SLC4A3: variants seen among roughly 807,000 people sequenced by gnomAD.
SLC4A3 encodes the protein solute carrier family 4 member 3.
SLC4A3 carries 47 observed loss-of-function variants against 114.2 expected under a neutral mutation model. That is an observed-to-expected ratio of 0.41 (90% confidence interval 0.33 to 0.52). The LOEUF is 0.52. Among genes scored for constraint, SLC4A3 ranks in the 20% least tolerant of loss-of-function variants. The pLI is 0.21. For missense variants in SLC4A3, 1,312 were observed against 1,668.3 expected, an observed-to-expected ratio of 0.79 and a Z score of 3.72; for synonymous variants, 693 against 710.3, an observed-to-expected ratio of 0.98 and a Z score of 0.39.
In SLC4A3 at chr2:219,640,897, C is replaced by T. The variant is rs780658880; in HGVS notation, c.3556C>T (p.Leu1186=). Residue 1186 remains leucine, a synonymous_variant, in exon 22 of 23, where the codon CTG becomes TTG. Transcript: ENST00000358055. ...AASLAFPFLL[L]LTVPLRHCLL... is the part of the protein sequence containing the mutation. ...CTCACTCGCCTTTCCCTTCCTGCTGCTGCTCACGGTGCCTCTGAGGCATTG... is the reference window on the plus strand; with the variant it reads ...CTCACTCGCCTTTCCCTTCCTGCTGTTGCTCACGGTGCCTCTGAGGCATTG... 3.1e-6 allele frequency: 5 copies of T among 1,611,500 alleles called. No individual in the cohort carries two copies. The East Asian group carries it at 1.1e-4, about 36-fold the overall frequency.
chr2:219,635,739 C>T lies in SLC4A3; in HGVS notation c.2039C>T (p.Ser680Leu), dbSNP rs142497429. The change falls in exon 14 of 23, where the codon TCG (serine) becomes TTG (leucine). Residue 680 changes from serine to leucine, a missense_variant. Around this residue, in one of 4 missense-constraint regions of SLC4A3, gnomAD observed 771 missense variants for 977.7 expected, o/e 0.79. Coordinates refer to ENST00000358055, the MANE Select transcript of SLC4A3 (RefSeq NM_005070.4). Reference protein sequence around the residue: ...PEDDPLLRTGSVFGGLVRDVR... With the variant: ...PEDDPLLRTGLVFGGLVRDVR... ...GATGACCCCTTGCTGCGGACGGGCTCGGTATTTGGGGGGCTTGTGCGGGAT... is the reference window on the plus strand; with the variant it reads ...GATGACCCCTTGCTGCGGACGGGCTTGGTATTTGGGGGGCTTGTGCGGGAT... 1.0e-4 allele frequency: 165 copies of T among 1,595,900 alleles called. No homozygotes were observed. Among genetic ancestry groups the T allele is most frequent in the Middle Eastern group, 1.7e-4 (1 of 5,970 alleles).
rs953241892 is a variant in SLC4A3, at chr2:219,638,018, C to T, written c.2767-146C>T. On this transcript the variant is annotated intron_variant, in intron 17 of 22. Coordinates refer to ENST00000358055, the MANE Select transcript of SLC4A3 (RefSeq NM_005070.4). The surrounding 1 kb of genome is among the most constrained non-coding windows in gnomAD (Gnocchi z 7.5). ...ATCAAGACAACAGCCTCCCAGGCTGCGCTGGCACCTGTGGGGTTGAGAGGC... is the reference window on the plus strand; with the variant it reads ...ATCAAGACAACAGCCTCCCAGGCTGTGCTGGCACCTGTGGGGTTGAGAGGC... The T allele has an allele frequency of 5.1e-5, 37 of 731,768 alleles. No homozygotes were observed. The highest frequency in any genetic ancestry group is 2.8e-4 in the African/African-American group (16 of 57,630). 45.3% of individuals were successfully genotyped at this position (731,768 alleles called of 1,614,324 possible). A position where few individuals can be genotyped will look rare whatever the true frequency, so the allele number is the denominator to read the frequency against.
rs1252114707 is a variant in SLC4A3 at position 219,639,436 on chromosome 2, C to T, written c.3024-46C>T. ...TGTGCGTGCCTGTCTTTGTCCCCTG[C>T]CCCTGCCAGGCCAGCCACACCCCGC... is the stretch of plus-strand genomic sequence containing the variant. On this transcript the variant is annotated intron_variant, in intron 19 of 22. Transcript: ENST00000358055. This position sits in a 1 kb window ranked among gnomAD's most constrained non-coding sequence, Gnocchi z 5.9. The T allele has an allele frequency of 6.3e-7, 1 of 1,593,880 alleles. No individual in the cohort carries two copies. Among genetic ancestry groups the T allele is most frequent in the East Asian group, 2.2e-5 (1 of 44,614 alleles).
In SLC4A3 at chr2:219,639,392, C is replaced by T. The variant is rs568106889; in HGVS notation, c.3024-90C>T. On this transcript the variant is annotated intron_variant, in intron 19 of 22. Coordinates refer to ENST00000358055, the MANE Select transcript of SLC4A3 (RefSeq NM_005070.4). This position sits in a 1 kb window ranked among gnomAD's most constrained non-coding sequence, Gnocchi z 5.9. ...GAGAACTGTTGTCTGCACGTCCTCC[C>T]CCCACCATCTCGTCTCTGTGTGCGT... 6.5e-4 allele frequency: 949 copies of T among 1,464,432 alleles called. 1 individual carries two copies. Among genetic ancestry groups the T allele is most frequent in the Non-Finnish European group, 7.4e-4 (793 of 1,071,996 alleles). The allele number at this position is 1,464,432 out of a possible 1,614,324, so 90.7% of individuals were successfully genotyped here.
At chr2:219,633,750 C>T (rs953732497) in intron 10 of SLC4A3, 130 bp from the exon 11 acceptor site, 4 of 1,391,206 alleles carry the variant, frequency 2.9e-6, no homozygotes, top group African/African-American at 2.9e-5. Flanking sequence ...CAGTGTGGGG[C>T]CACAGTGCAG....
chr2:219,638,616 G>C lies in SLC4A3; in HGVS notation c.2857-87G>C. 7.1e-7 allele frequency: 1 copy of C among 1,405,526 alleles called. No homozygotes were observed. 87.1% of individuals were successfully genotyped at this position (1,405,526 alleles called of 1,614,324 possible). ...CACACCCCAGCTCCCTGAAGTCCTG[G>C]ACTGGGGACGCAGCTTAGTGGGCTG... On this transcript the variant is annotated intron_variant, in intron 18 of 22. Coordinates refer to ENST00000358055, the MANE Select transcript of SLC4A3 (RefSeq NM_005070.4). The surrounding 1 kb of genome is among the most constrained non-coding windows in gnomAD (Gnocchi z 7.5).
chr2:219,628,596 C>CG lies in SLC4A3; in HGVS notation c.217+28dup. 6.2e-7 allele frequency: 1 copy of CG among 1,606,520 alleles called. No homozygotes were observed. The highest frequency in any genetic ancestry group is 1.1e-5 in the South Asian group (1 of 90,726). Reference sequence around the variant, plus strand: ...GTGGGTAGCCTGGGGACCCCTAGTGCGGCCGCCCTCGCCACCATCACCTTC... The same window carrying CG: ...GTGGGTAGCCTGGGGACCCCTAGTGCGGGCCGCCCTCGCCACCATCACCTTC... On this transcript the variant is annotated intron_variant, in intron 3 of 22. Coordinates refer to ENST00000358055, the MANE Select transcript of SLC4A3 (RefSeq NM_005070.4). The surrounding 1 kb of genome is among the most constrained non-coding windows in gnomAD (Gnocchi z 4.8).
At position 219,638,698 on chromosome 2, in the gene SLC4A3, T is replaced by C. The variant is rs1699214261; in HGVS notation, c.2857-5T>C. On this transcript the variant is annotated splice_region_variant and splice_polypyrimidine_tract_variant and intron_variant, in intron 18 of 22. Coordinates refer to ENST00000358055, the MANE Select transcript of SLC4A3 (RefSeq NM_005070.4). This position sits in a 1 kb window ranked among gnomAD's most constrained non-coding sequence, Gnocchi z 7.5. ...GTCCCTGAACCCTGTTTTCCTGCCA[T>C]GCAGAAGCTGACAGTGCCTACAGGG... The C allele has an allele frequency of 6.2e-7, 1 of 1,613,552 alleles. No individual in the cohort carries two copies. The highest frequency in any genetic ancestry group is 1.3e-5 in the African/African-American group (1 of 74,932).
Position 219,628,341 on chromosome 2 carries a change from G to T in SLC4A3, c.52-64G>T. 6.7e-7 allele frequency: 1 copy of T among 1,483,794 alleles called. No individual in the cohort carries two copies. Among genetic ancestry groups the T allele is most frequent in the East Asian group, 2.3e-5 (1 of 42,712 alleles). The allele number at this position is 1,483,794 out of a possible 1,614,324, so 91.9% of individuals were successfully genotyped here. A position where few individuals can be genotyped will look rare whatever the true frequency, so the allele number is the denominator to read the frequency against. On this transcript the variant is annotated intron_variant, in intron 2 of 22. Transcript: ENST00000358055. The surrounding 1 kb of genome is among the most constrained non-coding windows in gnomAD (Gnocchi z 4.8). ...TGAGCTCCCCCAACTAGGGCTTGGA[G>T]TTGGGGTGGGTGTGGGGCCTTCATG...
In SLC4A3 at chr2:219,639,428, G is replaced by T; in HGVS notation, c.3024-54G>T. 2 of 1,586,356 alleles carry T rather than the reference G, an allele frequency of 1.3e-6. No individual in the cohort carries two copies. The highest frequency in any genetic ancestry group is 1.7e-6 in the Non-Finnish European group (2 of 1,167,598). On this transcript the variant is annotated intron_variant, in intron 19 of 22. Coordinates refer to ENST00000358055, the MANE Select transcript of SLC4A3 (RefSeq NM_005070.4). The surrounding 1 kb of genome is among the most constrained non-coding windows in gnomAD (Gnocchi z 5.9). ...CGTCTCTGTGTGCGTGCCTGTCTTT[G>T]TCCCCTGCCCCTGCCAGGCCAGCCA...
chr2:219,631,167 C>A lies in SLC4A3; in HGVS notation c.812-801C>A. 8.4e-7 allele frequency: 1 copy of A among 1,185,656 alleles called. No homozygotes were observed. The highest frequency in any genetic ancestry group is 3.7e-5 in the Admixed American group (1 of 27,376). 73.4% of individuals were successfully genotyped at this position (1,185,656 alleles called of 1,614,324 possible). ...CTGGTTGGACAGAAGCCACCCCGTC[C>A]AGGCTCCCACCTTGTAGGAGAGCCG... On this transcript the variant is annotated intron_variant, in intron 6 of 22. Coordinates refer to ENST00000358055, the MANE Select transcript of SLC4A3 (RefSeq NM_005070.4). The surrounding 1 kb of genome is among the most constrained non-coding windows in gnomAD (Gnocchi z 6.3).
chr2:219,639,611 C>G lies in SLC4A3; in HGVS notation c.3153C>G (p.Val1051=), dbSNP rs777006500. The change falls in exon 20 of 23, where the codon GTC becomes GTG. Residue 1051 remains valine (V), a synonymous_variant. Coordinates refer to ENST00000358055, the MANE Select transcript of SLC4A3 (RefSeq NM_005070.4). The surrounding 1 kb of genome is among the most constrained non-coding windows in gnomAD (Gnocchi z 5.9). ...TGCCCTGGCTCACGGCTGCCACGGT[C>G]CGCTCCGTCACCCATGTCAATGCGT... The part of the protein sequence containing the change: ...FGLPWLTAAT[V]RSVTHVNALT... 2 of 1,614,004 alleles carry G rather than the reference C, an allele frequency of 1.2e-6. No individual in the cohort carries two copies. Among genetic ancestry groups the G allele is most frequent in the South Asian group, 1.1e-5 (1 of 91,086 alleles).
rs771778795 is a variant in SLC4A3, at chr2:219,628,604, CTCGCCACCATCACCTTCA to C, written c.217+49_217+66del. On this transcript the variant is annotated intron_variant, in intron 3 of 22. Coordinates refer to ENST00000358055, the MANE Select transcript of SLC4A3 (RefSeq NM_005070.4). The surrounding 1 kb of genome is among the most constrained non-coding windows in gnomAD (Gnocchi z 4.8). ...CCTGGGGACCCCTAGTGCGGCCGCCCTCGCCACCATCACCTTCATCGCCACCATCACCGCGCTCACCTC... is the reference window on the plus strand; with the variant it reads ...CCTGGGGACCCCTAGTGCGGCCGCCCTCGCCACCATCACCGCGCTCACCTC... 1.2e-6 allele frequency: 2 copies of C among 1,604,014 alleles called. No individual in the cohort carries two copies. Among genetic ancestry groups the C allele is most frequent in the Admixed American group, 1.7e-5 (1 of 57,904 alleles).
At position 219,639,211 on chromosome 2, in the gene SLC4A3, G is replaced by A. The variant is rs920226293; in HGVS notation, c.3024-271G>A. The stretch of plus-strand genomic sequence containing the variant: ...AGCTTGCACCCAGGGATGCTCACAT[G>A]TATCTAATTTTGGTTAAACCACAAT... On this transcript the variant is annotated intron_variant, in intron 19 of 22. Coordinates refer to ENST00000358055, the MANE Select transcript of SLC4A3 (RefSeq NM_005070.4). This position sits in a 1 kb window ranked among gnomAD's most constrained non-coding sequence, Gnocchi z 5.9. Among the ~76,000 whole-genome samples the A allele has an allele frequency of 6.6e-6, 1 of 152,316 alleles. No individual in the cohort carries two copies. Among genetic ancestry groups the A allele is most frequent in the Non-Finnish European group, 1.5e-5 (1 of 68,024 alleles).
chr2:219,634,411 T>C lies in SLC4A3; in HGVS notation c.1562-9T>C, dbSNP rs769241576. ...TTGCCCAGCGCCCTGTGCTTTCCTC[T>C]TCCCCTAGGTTGTGTGCCTTTCTTG... is the stretch of plus-strand genomic sequence containing the variant. On this transcript the variant is annotated splice_polypyrimidine_tract_variant and intron_variant, in intron 11 of 22. Transcript: ENST00000358055. The C allele has an allele frequency of 6.2e-7, 1 of 1,613,560 alleles. No homozygotes were observed. Among genetic ancestry groups the C allele is most frequent in the African/African-American group, 1.3e-5 (1 of 74,916 alleles).
chr2:219,628,702 G>A lies in SLC4A3; in HGVS notation c.217+132G>A, dbSNP rs1698809927. The A allele has an allele frequency of 1.1e-6, 1 of 941,412 alleles. No homozygotes were observed. Among genetic ancestry groups the A allele is most frequent in the Non-Finnish European group, 1.6e-6 (1 of 630,464 alleles). 58.3% of individuals were successfully genotyped at this position (941,412 alleles called of 1,614,324 possible). On this transcript the variant is annotated intron_variant, in intron 3 of 22. Coordinates refer to ENST00000358055, the MANE Select transcript of SLC4A3 (RefSeq NM_005070.4). The surrounding 1 kb of genome is among the most constrained non-coding windows in gnomAD (Gnocchi z 4.8). ...CGGACACTGTGCTGGACTCTGTGCTGGGCCACATGCCGTGTTCAGTCATCC... is the reference window on the plus strand; with the variant it reads ...CGGACACTGTGCTGGACTCTGTGCTAGGCCACATGCCGTGTTCAGTCATCC...
At chr2:219,633,605 A>C in intron 10 of SLC4A3, 148 bp downstream of exon 10, 1 of 819,032 alleles carries the variant, frequency 1.2e-6, no homozygotes, top group Non-Finnish European at 1.8e-6. Context: ...GACCCGCATG[A>C]GGGGTCCCTG....
chr2:219,632,245 T>C lies in SLC4A3; in HGVS notation c.961-17T>C. 1 of 1,613,826 alleles carries C rather than the reference T, an allele frequency of 6.2e-7. No homozygotes were observed. Among genetic ancestry groups the C allele is most frequent in the Non-Finnish European group, 8.5e-7 (1 of 1,179,966 alleles). On this transcript the variant is annotated splice_polypyrimidine_tract_variant and intron_variant, in intron 7 of 22. Transcript: ENST00000358055. ...ACCTGTTGGCCCCTGGGCCCTCACC[T>C]TTGGCACGCCCCCCAGGTGTTCGTG...
In SLC4A3 at chr2:219,639,306, A is replaced by G. The variant is rs1699235847; in HGVS notation, c.3024-176A>G. Reference sequence around the variant, plus strand: ...TTCACAGTATGAGAATTTGTCTCACATTTGCTTCAATGTGAGAACTTCAAT... The same window carrying G: ...TTCACAGTATGAGAATTTGTCTCACGTTTGCTTCAATGTGAGAACTTCAAT... On this transcript the variant is annotated intron_variant, in intron 19 of 22. Coordinates refer to ENST00000358055, the MANE Select transcript of SLC4A3 (RefSeq NM_005070.4). This position sits in a 1 kb window ranked among gnomAD's most constrained non-coding sequence, Gnocchi z 5.9. Among the ~76,000 whole-genome samples, 1 of 152,102 alleles carries G rather than the reference A, an allele frequency of 6.6e-6. No homozygotes were observed. The highest frequency in any genetic ancestry group is 1.5e-5 in the Non-Finnish European group (1 of 68,010).
Sources: gnomAD v4.1 joint callset for allele counts (sites outside exome capture counted in the v4.1 genomes callset) on GRCh38, gnomAD v4.1.1 for gene constraint, gnomAD v4.1.1 regional missense constraint, Gnocchi (gnomAD v3.1) non-coding constraint, MANE v1.5 for transcripts, NCBI Gene and HGNC (gene_info 2026-07-23, HGNC 2026-07-21) for gene names.